NRG2: variants seen among roughly 807,000 people sequenced by gnomAD.
NRG2 encodes pro-neuregulin-2, membrane-bound isoform.
A neutral mutation model predicts 73.9 loss-of-function variants in NRG2; 27 were observed. That is an observed-to-expected ratio of 0.37 (90% CI 0.27 to 0.50). The LOEUF is 0.50. Ranked by LOEUF, NRG2 falls within the 20% of genes least tolerant of loss-of-function variation. NRG2 has a pLI of 0.96. For synonymous variants in NRG2, 532 were observed against 541.0 expected (o/e 0.98, Z 0.23); for missense variants, 1,126 against 1,210.1 (o/e 0.93, Z 1.03).
At chr5:139,998,485 C>T (rs926645823) in intron 1 of NRG2, among the ~76,000 whole-genome samples, 5 of 152,224 alleles carry the variant, frequency 3.3e-5, no homozygotes, top group Admixed American at 3.3e-4. Context: ...ACAAGATCTG[C>T]TCCAGTTCCA....
intron 1 of NRG2, among the ~76,000 whole-genome samples, chr5:139,888,553 G>A (rs2127133046): frequency 6.6e-6 from 1 of 152,280 alleles, no homozygotes; most frequent in East Asian, 1.9e-4. Flanking sequence ...CTCGGCCATT[G>A]GTCCTTTCCC....
intron 1 of NRG2, among the ~76,000 whole-genome samples, chr5:140,002,369 T>G (rs1383412744): frequency 6.6e-6 from 1 of 152,032 alleles, no homozygotes; most frequent in East Asian, 1.9e-4. Flanking sequence ...AGAGTAGGGT[T>G]GGGAGGGTTA....
chr5:139,911,676 A>G (rs952256457), intron 1 of NRG2, among the ~76,000 whole-genome samples: 5 of 152,098 alleles, frequency 3.3e-5, no homozygotes, highest in African/African-American at 1.2e-4. Flanking sequence ...GCAGGGAGAC[A>G]CCTGGGAGAC....
chr5:140,002,710 A>G (rs1164790061), intron 1 of NRG2, among the ~76,000 whole-genome samples: 4 of 152,204 alleles, frequency 2.6e-5, no homozygotes, highest in Non-Finnish European at 4.4e-5. Flanking sequence ...CAGCAGGAGA[A>G]TCACACGAGT....
At chr5:139,927,764 C>CA (rs67854211) in intron 1 of NRG2, among the ~76,000 whole-genome samples, 1,032 of 82,314 alleles carry the variant, frequency 0.013, 8 homozygotes, top group East Asian at 0.047. Context: ...AACCTTGTCT[C>CA]AAAAAAAAAA....
intron 4 of NRG2, among the ~76,000 whole-genome samples, chr5:139,867,105 G>C (rs75687195): frequency 1.5e-4 from 23 of 152,324 alleles, no homozygotes; most frequent in African/African-American, 5.5e-4. Flanking sequence ...TCTTAGCATT[G>C]CAGTATATAG....
Position 139,868,026 on chromosome 5 carries a change from T to C in NRG2, c.1113-2401A>G, listed in dbSNP as rs1281153534. Among the ~76,000 whole-genome samples the C allele has an allele frequency of 6.6e-6, 1 of 152,124 alleles. No homozygotes were observed. The highest frequency in any genetic ancestry group is 1.9e-4 in the East Asian group (1 of 5,202). ...CTATCCTGACTACAGACTTACATCT[T>C]TCATGGCCGCTGAGTTGCACAACAT... On this transcript the variant is annotated intron_variant, in intron 4 of 9. Coordinates refer to ENST00000361474, the MANE Select transcript of NRG2 (RefSeq NM_004883.3). The surrounding 1 kb of genome is among the most constrained non-coding windows in gnomAD (Gnocchi z 4.2).
intron 5 of NRG2, among the ~76,000 whole-genome samples, chr5:139,858,938 T>A (rs754777391): frequency 1.3e-5 from 2 of 152,106 alleles, no homozygotes; most frequent in Non-Finnish European, 2.9e-5. Context: ...GGATAGGTGG[T>A]GGGGCTAGGA....
chr5:139,982,737 T>C (rs760168500), intron 1 of NRG2, among the ~76,000 whole-genome samples: 2 of 152,134 alleles, frequency 1.3e-5, no homozygotes, highest in Non-Finnish European at 2.9e-5. Context: ...GTTATCCTCT[T>C]CCCATTCCCC....
chr5:139,959,800 A>T (rs1033181787), intron 1 of NRG2, among the ~76,000 whole-genome samples: 1 of 152,174 alleles, frequency 6.6e-6, no homozygotes, highest in African/African-American at 2.4e-5. Context: ...GGCGTGAGCC[A>T]CCGCGCCCAG....
Position 140,042,524 on chromosome 5 carries a change from C to G in NRG2, c.546G>C (p.Val182=). ...GGLQREQVIS[V]GSCVPLERNQ... The stretch of plus-strand genomic sequence containing the variant: ...TCCTTTCGAGCGGCACACAGGAGCC[C>G]ACGCTGATCACCTGCTCGCGCTGCA... Residue 182 remains valine (V), a synonymous_variant, in exon 1 of 10, where the codon GTG becomes GTC. Coordinates refer to ENST00000361474, the MANE Select transcript of NRG2 (RefSeq NM_004883.3). 6.2e-7 allele frequency: 1 copy of G among 1,613,254 alleles called. No homozygotes were observed. Among genetic ancestry groups the G allele is most frequent in the Non-Finnish European group, 8.5e-7 (1 of 1,179,702 alleles).
intron 1 of NRG2, among the ~76,000 whole-genome samples, chr5:139,969,898 G>A (rs1484946317): frequency 6.6e-6 from 1 of 152,170 alleles, no homozygotes; most frequent in African/African-American, 2.4e-5. Flanking sequence ...TATTGCAAAT[G>A]GAGTGTGCTA....
intron 5 of NRG2, among the ~76,000 whole-genome samples, chr5:139,860,255 G>C (rs1762067367): frequency 6.6e-6 from 1 of 152,152 alleles, no homozygotes; most frequent in Non-Finnish European, 1.5e-5. Flanking sequence ...AGGTAAGTGG[G>C]GGTGGGGGTC....
intron 1 of NRG2, among the ~76,000 whole-genome samples, chr5:140,012,553 G>A (rs561324998): frequency 6.6e-6 from 1 of 152,048 alleles, no homozygotes; most frequent in Non-Finnish European, 1.5e-5. Flanking sequence ...TCATACTTGA[G>A]AGTCATCTCT....
intron 1 of NRG2, among the ~76,000 whole-genome samples, chr5:140,014,604 G>C (rs1207784853): frequency 6.6e-6 from 1 of 151,890 alleles, no homozygotes; most frequent in Admixed American, 6.6e-5. Flanking sequence ...AGTCTTTTGG[G>C]CCTTATCTGT....
chr5:139,927,742 C>T (rs989238592), intron 1 of NRG2, among the ~76,000 whole-genome samples: 12 of 131,924 alleles, frequency 9.1e-5, no homozygotes, highest in South Asian at 7.3e-4. Flanking sequence ...CCAGCCTGGG[C>T]GACAAGAGTG....
intron 3 of NRG2, among the ~76,000 whole-genome samples, chr5:139,875,673 C>A (rs1445153718): frequency 1.3e-5 from 2 of 152,152 alleles, no homozygotes; most frequent in African/African-American, 2.4e-5. Context: ...CCCCCGTAAT[C>A]CTAGCACTTT....
rs2127000271 is a variant in NRG2 at position 139,851,844 on chromosome 5, G to C, written c.1545-13C>G. The C allele has an allele frequency of 1.2e-6, 2 of 1,612,920 alleles. No individual in the cohort carries two copies. Among genetic ancestry groups the C allele is most frequent in the East Asian group, 4.5e-5 (2 of 44,846 alleles). On this transcript the variant is annotated splice_polypyrimidine_tract_variant and intron_variant, in intron 8 of 9. Coordinates refer to ENST00000361474, the MANE Select transcript of NRG2 (RefSeq NM_004883.3). The surrounding 1 kb of genome is among the most constrained non-coding windows in gnomAD (Gnocchi z 4.2). ...GTGGCTCTCGTGTCTGGGAAGGCCA[G>C]ATGGGGTGAGACGAGGGGTCAGGAA...
At chr5:140,014,143 C>T (rs567652295) in intron 1 of NRG2, among the ~76,000 whole-genome samples, 8 of 152,266 alleles carry the variant, frequency 5.3e-5, no homozygotes, top group African/African-American at 9.6e-5. Flanking sequence ...AAAACCAAAC[C>T]CCTTAATTGT....
Sources: gnomAD v4.1 joint callset for allele counts (sites outside exome capture counted in the v4.1 genomes callset) on GRCh38, gnomAD v4.1.1 for gene constraint, Gnocchi (gnomAD v3.1) non-coding constraint, MANE v1.5 for transcripts, NCBI Gene and HGNC (gene_info 2026-07-23, HGNC 2026-07-21) for gene names.